Variants in PCNX1 observed in about 807,000 individuals in gnomAD.
The protein encoded by PCNX1 is pecanex-like protein 1.
PCNX1 carries 78 observed loss-of-function variants against 242.2 expected under a neutral mutation model. The ratio of observed to expected loss-of-function variants is 0.32; its 90% confidence interval spans 0.27 to 0.39. The LOEUF (loss-of-function observed/expected upper bound fraction) is 0.39. PCNX1 is among the 10% of genes least tolerant of loss of function. PCNX1 has a pLI of 1.00. For missense variants in PCNX1, 2,581 were observed against 2,856.5 expected (o/e 0.90, Z 2.20); for synonymous variants, 1,024 against 1,032.9 (o/e 0.99, Z 0.17).
intron 1 of PCNX1, among the ~76,000 whole-genome samples, chr14:70,945,855 A>G (rs545714868): frequency 2.0e-5 from 3 of 152,252 alleles, no homozygotes; most frequent in Admixed American, 6.5e-5. Flanking sequence ...TTTAAAGCCA[A>G]TTTGGGGTCA....
At chr14:71,051,705 G>A (rs2061040605) in intron 23 of PCNX1, among the ~76,000 whole-genome samples, 178 bp from the exon 24 acceptor site, 1 of 152,166 alleles carries the variant, frequency 6.6e-6, no homozygotes, top group South Asian at 2.1e-4. Context: ...CTTTATGTAT[G>A]TCTTTCTGTT....
intron 11 of PCNX1, among the ~76,000 whole-genome samples, chr14:71,018,558 C>A (rs112031648): frequency 2.0e-5 from 3 of 151,964 alleles, no homozygotes; most frequent in African/African-American, 7.3e-5. Context: ...TCAATTAGTG[C>A]CAGAATTTTG....
Position 71,001,225 on chromosome 14 carries a change from A to G in PCNX1, c.2629+5300A>G, listed in dbSNP as rs575321336. 4.6e-5 allele frequency among the ~76,000 whole-genome samples: 7 copies of G among 152,324 alleles called. No individual in the cohort carries two copies. In the South Asian group the frequency reaches 1.4e-3, roughly 32 times the overall value. ...CCTATTGCAGTGAACACTGTGCTGA[A>G]TGTCCATTACATAAGCTTTAGTGTA... On this transcript the variant is annotated intron_variant, in intron 8 of 35. Transcript: ENST00000304743.
At chr14:70,949,231 ATGTG>A (rs1316337624) in intron 2 of PCNX1, among the ~76,000 whole-genome samples, 2 of 144,236 alleles carry the variant, frequency 1.4e-5, no homozygotes, top group East Asian at 4.0e-4. Context: ...AGATATATGT[ATGTG>A]TATATACACA....
chr14:70,986,188 A>G (rs947166241), intron 6 of PCNX1, among the ~76,000 whole-genome samples: 2 of 152,342 alleles, frequency 1.3e-5, no homozygotes, highest in Middle Eastern at 3.4e-3. Context: ...AAATTGTAAT[A>G]TAGCATTTTC....
At chr14:71,052,892 G>A (rs1468253578) in intron 24 of PCNX1, among the ~76,000 whole-genome samples, 4 of 152,242 alleles carry the variant, frequency 2.6e-5, no homozygotes, top group East Asian at 1.9e-4. Flanking sequence ...AAAAGGGAAC[G>A]CTTTTAGGAG....
chr14:70,950,776 T>C (rs992375443), intron 2 of PCNX1, among the ~76,000 whole-genome samples: 1 of 152,114 alleles, frequency 6.6e-6, no homozygotes, highest in Non-Finnish European at 1.5e-5. Flanking sequence ...TATTTGTTAT[T>C]CTGTGAATTG....
chr14:71,104,154 C>G (rs1420102113), intron 32 of PCNX1, among the ~76,000 whole-genome samples: 1 of 152,144 alleles, frequency 6.6e-6, no homozygotes, highest in African/African-American at 2.4e-5. Flanking sequence ...GATCTGAAAT[C>G]TACAGTGTTT....
chr14:70,984,163 C>G (rs2058927441), intron 6 of PCNX1, among the ~76,000 whole-genome samples: 1 of 151,140 alleles, frequency 6.6e-6, no homozygotes. Context: ...TTTTGAAGTA[C>G]TAAATGCCTA....
chr14:70,928,722 GAAT>G (rs992400121), intron 1 of PCNX1, among the ~76,000 whole-genome samples: 1 of 152,086 alleles, frequency 6.6e-6, no homozygotes, highest in African/African-American at 2.4e-5. Flanking sequence ...TTTACTTTGG[GAAT>G]TTTGGGGTAA....
chr14:71,073,457 A>AT lies in PCNX1; in HGVS notation c.4853-81dup, dbSNP rs1037346963. 5 of 1,272,068 alleles carry AT rather than the reference A, an allele frequency of 3.9e-6. No individual in the cohort carries two copies. The Admixed American group carries it at 8.9e-5, about 23-fold the overall frequency. The allele number at this position is 1,272,068 out of a possible 1,614,324, so 78.8% of individuals were successfully genotyped here. A position where few individuals can be genotyped will look rare whatever the true frequency, so the allele number is the denominator to read the frequency against. ...TACTTTCAATTGCAATAAAATATGT[A>AT]TTTTTTTCTAAATCTTATGTGTCCT... On this transcript the variant is annotated intron_variant, in intron 26 of 35. Transcript: ENST00000304743.
At position 71,057,630 on chromosome 14, in the gene PCNX1, C is replaced by A. The variant is rs756215813; in HGVS notation, c.4758C>A (p.Phe1586Leu). ...RWGNYSTGDC[F>L]ILASDYLNAL... ...GAAACTACAGTACAGGGGACTGTTT[C>A]ATCCTTGCCTCTGACTATCTCAATG... The change falls in exon 26 of 36, where the codon TTC (phenylalanine) becomes TTA (leucine). Residue 1586 changes from phenylalanine to leucine, a missense_variant. By Grantham distance (22) the Phe-to-Leu change is conservative. Transcript: ENST00000304743. 6.8e-6 allele frequency: 11 copies of A among 1,613,306 alleles called. No homozygotes were observed. Among genetic ancestry groups the A allele is most frequent in the Non-Finnish European group, 8.5e-6 (10 of 1,179,244 alleles).
rs374506068 is a variant in PCNX1 at position 71,109,571 on chromosome 14, G to T, written c.6864G>T (p.Pro2288=). 8 of 1,614,146 alleles carry T rather than the reference G, an allele frequency of 5.0e-6. No homozygotes were observed. The highest frequency in any genetic ancestry group is 2.2e-5 in the East Asian group (1 of 44,888). The part of the protein sequence containing the change: ...AGRNSWKDWS[P]QEGMEGHVIH... ...GAAATAGCTGGAAAGACTGGAGTCC[G>T]CAGGAGGGCATGGAAGGCCATGTAA... Residue 2288 remains proline, a synonymous_variant, in exon 35 of 36, where the codon CCG becomes CCT. Coordinates refer to ENST00000304743, the MANE Select transcript of PCNX1 (RefSeq NM_014982.3).
rs2059763772 is a variant in PCNX1, at chr14:71,009,569, G to T, written c.2630-65G>T. ...AAGATGTAGAAACTTACGAAATTTA[G>T]TATATCATGAAGGAAAAATTCTGAG... On this transcript the variant is annotated intron_variant, in intron 8 of 35. Transcript: ENST00000304743. The T allele has an allele frequency of 4.4e-6, 4 of 906,894 alleles. No homozygotes were observed. The Admixed American group carries it at 7.6e-5, about 17-fold the overall frequency. The allele number at this position is 906,894 out of a possible 1,614,324, so 56.2% of individuals were successfully genotyped here.
chr14:71,112,635 C>T lies in PCNX1; in HGVS notation c.*2700C>T, dbSNP rs892917601. ...TCTTGTTCCTGCCTCACCCCTCACC[C>T]CCCAGAGAATAGTGAGTGACTCGTT... On this transcript the variant is annotated 3_prime_UTR_variant, in exon 36 of 36. Transcript: ENST00000304743. 1.7e-4 allele frequency: 26 copies of T among 152,044 alleles called. No individual in the cohort carries two copies. Among genetic ancestry groups the T allele is most frequent in the Non-Finnish European group, 5.9e-5 (4 of 67,954 alleles). The allele number at this position is 152,044 out of a possible 1,614,324, so 9.4% of individuals were successfully genotyped here.
intron 12 of PCNX1, among the ~76,000 whole-genome samples, chr14:71,020,687 A>G (rs1312435614): frequency 6.6e-6 from 1 of 152,208 alleles, no homozygotes; most frequent in Non-Finnish European, 1.5e-5. Context: ...ATAGATTGCA[A>G]AAATTTTCTC....
In PCNX1 at chr14:70,907,722, G is replaced by C; in HGVS notation, c.-129G>C. The C allele has an allele frequency of 1.8e-6, 2 of 1,100,146 alleles. No individual in the cohort carries two copies. Among genetic ancestry groups the C allele is most frequent in the Non-Finnish European group, 2.2e-6 (2 of 890,150 alleles). The allele number at this position is 1,100,146 out of a possible 1,614,324, so 68.1% of individuals were successfully genotyped here. On this transcript the variant is annotated 5_prime_UTR_variant, in exon 1 of 36. Transcript: ENST00000304743. ...CAGCACCAGCGACCGCCGAAGCGCC[G>C]GCTCGCTCACCCGGAGCTCCGGAGG... is the stretch of plus-strand genomic sequence containing the variant.
chr14:70,937,702 T>A (rs2057065665), intron 1 of PCNX1, among the ~76,000 whole-genome samples: 1 of 152,238 alleles, frequency 6.6e-6, no homozygotes, highest in African/African-American at 2.4e-5. Flanking sequence ...GGGATGGCAT[T>A]GAATCTATAA....
chr14:70,972,074 C>G (rs2058558138), intron 5 of PCNX1, among the ~76,000 whole-genome samples: 2 of 152,102 alleles, frequency 1.3e-5, no homozygotes, highest in South Asian at 4.1e-4. Context: ...GAACACAGAT[C>G]AGAGTAGTGA....
Sources: allele counts gnomAD v4.1 joint callset (sites outside exome capture counted in the v4.1 genomes callset), GRCh38; gene constraint gnomAD v4.1.1; transcripts MANE v1.5; gene names NCBI Gene and HGNC (gene_info 2026-07-23, HGNC 2026-07-21).